AGBL1: variants seen among roughly 807,000 people sequenced by gnomAD.
AGBL1 encodes the protein cytosolic carboxypeptidase 4.
A neutral mutation model predicts 118.9 loss-of-function variants in AGBL1; 130 were observed. That is an observed-to-expected ratio of 1.09 (90% CI 0.95 to 1.26). AGBL1 has a LOEUF of 1.26. Ranked by LOEUF, AGBL1 falls within the 50% of genes most tolerant of loss-of-function variation. AGBL1 has a pLI of 0.00. For missense variants in AGBL1, 1,584 were observed against 1,298.1 expected, an observed-to-expected ratio of 1.22 and a Z score of -3.38; for synonymous variants, 555 against 478.9, an observed-to-expected ratio of 1.16 and a Z score of -2.08.
At chr15:86,646,083 C>T (rs987710241) in intron 21 of AGBL1, among the ~76,000 whole-genome samples, 11 of 152,150 alleles carry the variant, frequency 7.2e-5, no homozygotes, top group Admixed American at 6.5e-4. Context: ...TGGCGTGTAG[C>T]AGAATATCTG....
intron 22 of AGBL1, among the ~76,000 whole-genome samples, chr15:86,703,410 G>T (rs1044885602): frequency 3.9e-5 from 6 of 152,006 alleles, no homozygotes; most frequent in African/African-American, 1.4e-4. Context: ...TGTTTACATT[G>T]TTTATGTTTC....
At chr15:86,998,637 A>G (rs951647436) in intron 24 of AGBL1, among the ~76,000 whole-genome samples, 3 of 152,208 alleles carry the variant, frequency 2.0e-5, no homozygotes, top group African/African-American at 7.2e-5. Context: ...AATAAAGGCC[A>G]CATTTGTGGA....
At chr15:86,546,619 C>T (rs2346725) in intron 20 of AGBL1, among the ~76,000 whole-genome samples, 66,008 of 151,906 alleles carry the variant, frequency 0.43, 15,455 homozygotes, top group East Asian at 0.75. Context: ...AAACATAAGC[C>T]ATTAAACCAT....
rs1441671704 is a variant in AGBL1 at position 86,367,695 on chromosome 15, C to A, written c.2375-29671C>A. ...ATCCGTAGTATGTGAAGCTCAGCTGCCTCCTCCCATATTTACAAGTGTGAT... is the reference window on the plus strand; with the variant it reads ...ATCCGTAGTATGTGAAGCTCAGCTGACTCCTCCCATATTTACAAGTGTGAT... On this transcript the variant is annotated intron_variant, in intron 17 of 22. Transcript: ENST00000614907. Among the ~76,000 whole-genome samples, 3 of 152,246 alleles carry A rather than the reference C, an allele frequency of 2.0e-5. No homozygotes were observed. In the East Asian group the frequency reaches 5.8e-4, roughly 29 times the overall value.
At chr15:86,310,129 T>C (rs1174999404) in intron 17 of AGBL1, among the ~76,000 whole-genome samples, 1 of 152,190 alleles carries the variant, frequency 6.6e-6, no homozygotes. Context: ...TCTGTTAATA[T>C]TTTCTGTTTC....
At chr15:86,139,326 G>A (rs1446628003) in intron 1 of AGBL1, among the ~76,000 whole-genome samples, 1 of 152,094 alleles carries the variant, frequency 6.6e-6, no homozygotes, top group Non-Finnish European at 1.5e-5. Flanking sequence ...TATACAGATA[G>A]AGTATCAAGC....
chr15:86,368,123 G>T (rs1238594185), intron 17 of AGBL1, among the ~76,000 whole-genome samples: 1 of 152,066 alleles, frequency 6.6e-6, no homozygotes, highest in Non-Finnish European at 1.5e-5. Context: ...GACCTACAAA[G>T]TCAGGAGGAT....
At chr15:86,494,195 A>G (rs902727083) in intron 18 of AGBL1, among the ~76,000 whole-genome samples, 2 of 152,036 alleles carry the variant, frequency 1.3e-5, no homozygotes, top group Non-Finnish European at 2.9e-5. Flanking sequence ...ATTCTAATCT[A>G]TCTACTTTAT....
At chr15:86,218,558 T>G (rs1168195027) in intron 5 of AGBL1, among the ~76,000 whole-genome samples, 3 of 152,170 alleles carry the variant, frequency 2.0e-5, no homozygotes, top group Non-Finnish European at 4.4e-5. Flanking sequence ...TATGGCAAGG[T>G]AAGGACATGT....
At chr15:87,030,859 C>T (rs913765756), downstream of AGBL1, among the ~76,000 whole-genome samples, 8 of 151,868 alleles carry the variant, frequency 5.3e-5, no homozygotes, top group Admixed American at 1.3e-4. Context: ...TCGCACCAAG[C>T]CACAGCCTCT....
intron 21 of AGBL1, among the ~76,000 whole-genome samples, chr15:86,572,480 A>G (rs2084024014): frequency 6.6e-6 from 1 of 152,132 alleles, no homozygotes; most frequent in African/African-American, 2.4e-5. Flanking sequence ...CCATCGTGGC[A>G]GTTGCCGGGG....
intron 5 of AGBL1, among the ~76,000 whole-genome samples, chr15:86,170,145 A>G (rs181370970): frequency 2.6e-5 from 4 of 152,370 alleles, no homozygotes; most frequent in Admixed American, 1.3e-4. Context: ...CACATGTTCA[A>G]AAATTAAGTA....
chr15:86,150,131 T>C, intron 3 of AGBL1, among the ~76,000 whole-genome samples: 1 of 152,224 alleles, frequency 6.6e-6, no homozygotes, highest in East Asian at 1.9e-4. Context: ...TAAAGCAGTC[T>C]GTAGAGGGAA....
At chr15:86,181,360 G>A (rs1170249362) in intron 5 of AGBL1, among the ~76,000 whole-genome samples, 1 of 152,016 alleles carries the variant, frequency 6.6e-6, no homozygotes, top group Non-Finnish European at 1.5e-5. Context: ...GATATATGCT[G>A]CAACATGAAT....
At chr15:86,433,396 A>G (rs1399323264) in intron 18 of AGBL1, among the ~76,000 whole-genome samples, 1 of 150,238 alleles carries the variant, frequency 6.7e-6, no homozygotes, top group Non-Finnish European at 1.5e-5. Context: ...TAGAAGGAGG[A>G]AGGTGAAGGC....
chr15:86,499,199 T>C (rs2082888961), intron 18 of AGBL1, among the ~76,000 whole-genome samples: 1 of 151,852 alleles, frequency 6.6e-6, no homozygotes, highest in African/African-American at 2.4e-5. Flanking sequence ...GACACAATTA[T>C]AACCACAAAG....
At chr15:86,115,570 ACTTACTCCCAGATACCG>A (rs1897701406) in intron 1 of AGBL1, among the ~76,000 whole-genome samples, 1 of 152,192 alleles carries the variant, frequency 6.6e-6, no homozygotes, top group South Asian at 2.1e-4. Context: ...AATTATTTAT[ACTTACTCCCAGATACCG>A]CTTAGTCACC....
At chr15:86,704,170 C>T (rs34386589) in intron 22 of AGBL1, among the ~76,000 whole-genome samples, 14,492 of 152,018 alleles carry the variant, frequency 0.095, 822 homozygotes, top group East Asian at 0.17. Context: ...ATGTAAAATC[C>T]CAAACCATAA....
At chr15:86,472,825 A>G (rs1242343317) in intron 18 of AGBL1, among the ~76,000 whole-genome samples, 1 of 152,176 alleles carries the variant, frequency 6.6e-6, no homozygotes, top group East Asian at 1.9e-4. Flanking sequence ...AGGCTGAGGC[A>G]GAAGAATTGC....
Sources: gnomAD v4.1 joint callset for allele counts (sites outside exome capture counted in the v4.1 genomes callset) on GRCh38, gnomAD v4.1.1 for gene constraint, MANE v1.5 for transcripts, NCBI Gene and HGNC (gene_info 2026-07-23, HGNC 2026-07-21) for gene names.